SPOCK3: variants seen among roughly 807,000 people sequenced by gnomAD.
The protein encoded by SPOCK3 is SPARC (osteonectin), cwcv and kazal like domains proteoglycan 3.
In SPOCK3, 30 loss-of-function variants were observed where a neutral mutation model predicts 56.6. The ratio of observed to expected loss-of-function variants is 0.53; its 90% CI spans 0.40 to 0.72. The LOEUF (loss-of-function observed/expected upper bound fraction) is 0.72, where lower values mean the gene tolerates loss of function less well. Ranked by LOEUF, SPOCK3 falls within the 30% of genes least tolerant of loss-of-function variation. The probability of loss-of-function intolerance (pLI) is 0.00; values close to 1 mark genes in which losing one functional copy is unlikely to be tolerated. For synonymous variants in SPOCK3, 196 were observed against 183.3 expected (o/e 1.07, Z -0.56); for missense variants, 527 against 530.0 (o/e 0.99, Z 0.06).
chr4:166,754,610 T>G lies in SPOCK3; in HGVS notation c.829A>C (p.Lys277Gln), dbSNP rs1318915044. ...QSELRSIYLD[K>Q]NEQCTKAFFN... ...AATGCCTTGGTACACTGTTCATTCTTATCAAGGTAAATGCTTCTGAGCTCT... is the reference window on the plus strand; with the variant it reads ...AATGCCTTGGTACACTGTTCATTCTGATCAAGGTAAATGCTTCTGAGCTCT... Residue 277 changes from lysine (K) to glutamine (Q), a missense_variant, in exon 8 of 11, where the codon AAG (lysine) becomes CAG (glutamine). Lys to Gln is a moderately conservative substitution (Grantham distance 53). Coordinates refer to ENST00000357545, the MANE Select transcript of SPOCK3 (RefSeq NM_001040159.2). The G allele has an allele frequency of 6.2e-7, 1 of 1,613,760 alleles. No homozygotes were observed. The highest frequency in any genetic ancestry group is 1.7e-5 in the Admixed American group (1 of 59,942).
Position 167,018,801 on chromosome 4 carries a change from G to C in SPOCK3, c.236-18338C>G, listed in dbSNP as rs1283980670. Among the ~76,000 whole-genome samples the C allele has an allele frequency of 2.0e-5, 3 of 152,096 alleles. No homozygotes were observed. The East Asian group carries it at 5.8e-4, about 30-fold the overall frequency. On this transcript the variant is annotated intron_variant, in intron 3 of 10. Coordinates refer to ENST00000357545, the MANE Select transcript of SPOCK3 (RefSeq NM_001040159.2). ...CTTCATGTTGGCTTCTATCAGCAGA[G>C]TATGCAGCAAATGGAAGCACTAACT... is the stretch of plus-strand genomic sequence containing the variant.
intron 4 of SPOCK3, among the ~76,000 whole-genome samples, chr4:166,931,287 G>A (rs1329252158): frequency 6.9e-6 from 1 of 144,846 alleles, no homozygotes; most frequent in East Asian, 2.2e-4. Context: ...CGGCCCAGAG[G>A]CAATTTTCTA....
intron 6 of SPOCK3, among the ~76,000 whole-genome samples, chr4:166,831,476 AAGATAT>A (rs1746046533): frequency 6.6e-6 from 1 of 152,138 alleles, no homozygotes; most frequent in African/African-American, 2.4e-5. Flanking sequence ...TAGGATAAAA[AAGATAT>A]ACGGCTATTC....
chr4:167,218,996 T>C (rs1735636986), intron 2 of SPOCK3, among the ~76,000 whole-genome samples: 1 of 152,166 alleles, frequency 6.6e-6, no homozygotes, highest in East Asian at 1.9e-4. Context: ...AGTACAATAG[T>C]TCTTAAAACT....
intron 4 of SPOCK3, among the ~76,000 whole-genome samples, chr4:166,993,016 G>A (rs576608418): frequency 1.3e-5 from 2 of 152,124 alleles, no homozygotes; most frequent in South Asian, 4.2e-4. Flanking sequence ...CTCTTCTACC[G>A]ATCATCGATT....
intron 6 of SPOCK3, among the ~76,000 whole-genome samples, chr4:166,809,613 A>G (rs1265201617): frequency 6.6e-6 from 1 of 152,106 alleles, no homozygotes; most frequent in Non-Finnish European, 1.5e-5. Context: ...ATTTAGACAA[A>G]TTATTCTTTC....
At chr4:167,156,213 T>C (rs951126117) in intron 2 of SPOCK3, among the ~76,000 whole-genome samples, 29 of 152,150 alleles carry the variant, frequency 1.9e-4, no homozygotes, top group Non-Finnish European at 2.9e-4. Context: ...ACTTGTGCTA[T>C]CCACATTCCA....
At chr4:166,766,634 T>A (rs545801222) in intron 7 of SPOCK3, among the ~76,000 whole-genome samples, 10 of 152,226 alleles carry the variant, frequency 6.6e-5, no homozygotes, top group Admixed American at 2.0e-4. Context: ...ATCAGCGATA[T>A]TGGTCTAAAA....
intron 5 of SPOCK3, among the ~76,000 whole-genome samples, chr4:166,910,132 A>G (rs1737102207): frequency 6.6e-6 from 1 of 152,128 alleles, no homozygotes; most frequent in African/African-American, 2.4e-5. Flanking sequence ...ATTGTTTTAT[A>G]TAGCTCAGTC....
chr4:167,064,578 T>C (rs1271496891), intron 2 of SPOCK3, among the ~76,000 whole-genome samples: 1 of 151,782 alleles, frequency 6.6e-6, no homozygotes, highest in Non-Finnish European at 1.5e-5. Context: ...TATGATTCAT[T>C]CCAAGCATGG....
intron 6 of SPOCK3, among the ~76,000 whole-genome samples, chr4:166,876,539 C>T (rs1483211322): frequency 2.6e-5 from 4 of 151,956 alleles, no homozygotes; most frequent in African/African-American, 2.4e-5. Context: ...TTTAAGCAAA[C>T]GATAATGTTG....
rs538469552 is a variant in SPOCK3 at position 167,104,547 on chromosome 4, C to CAA, written c.190-42012_190-42011dup. ...TTTAAAAATAAGATGTCAGAGAAAA[C>CAA]AAAAGAATAAAGAATAAGAATGAAG... On this transcript the variant is annotated intron_variant, in intron 2 of 10. Coordinates refer to ENST00000357545, the MANE Select transcript of SPOCK3 (RefSeq NM_001040159.2). Among the ~76,000 whole-genome samples the CAA allele has an allele frequency of 2.0e-4, 31 of 151,538 alleles. No individual in the cohort carries two copies. In the South Asian group the frequency reaches 6.0e-3, roughly 30 times the overall value.
chr4:166,788,684 A>G (rs1431930065), intron 7 of SPOCK3, among the ~76,000 whole-genome samples: 3 of 151,714 alleles, frequency 2.0e-5, no homozygotes, highest in African/African-American at 7.2e-5. Flanking sequence ...TATTATAACA[A>G]AAAATTATAA....
chr4:166,983,482 C>G (rs1746808326), intron 4 of SPOCK3, among the ~76,000 whole-genome samples: 1 of 151,910 alleles, frequency 6.6e-6, no homozygotes, highest in African/African-American at 2.4e-5. Context: ...GTCCTCTGGG[C>G]TCATCCATGT....
intron 5 of SPOCK3, among the ~76,000 whole-genome samples, chr4:166,898,999 C>A (rs761158072): frequency 3.3e-5 from 5 of 151,986 alleles, no homozygotes; most frequent in Non-Finnish European, 7.4e-5. Flanking sequence ...AAGGCCTAGG[C>A]AGTGCAAATT....
chr4:166,842,076 G>A (rs974164796), intron 6 of SPOCK3, among the ~76,000 whole-genome samples: 20 of 152,210 alleles, frequency 1.3e-4, no homozygotes, highest in Admixed American at 5.2e-4. Flanking sequence ...TCATTCCTCC[G>A]GGTGGGTTTG....
chr4:166,829,125 C>T (rs552636500), intron 6 of SPOCK3, among the ~76,000 whole-genome samples: 2 of 151,960 alleles, frequency 1.3e-5, no homozygotes, highest in Non-Finnish European at 2.9e-5. Flanking sequence ...TCACCACATA[C>T]ACAGATTCAA....
chr4:166,740,550 G>A (rs1344899119), intron 9 of SPOCK3, among the ~76,000 whole-genome samples: 1 of 149,800 alleles, frequency 6.7e-6, no homozygotes, highest in Non-Finnish European at 1.5e-5. Flanking sequence ...TTCTGAGATG[G>A]AGTCTCGCTC....
chr4:167,226,824 G>A (rs1044999458), intron 2 of SPOCK3, among the ~76,000 whole-genome samples: 1 of 151,968 alleles, frequency 6.6e-6, no homozygotes, highest in African/African-American at 2.4e-5. Flanking sequence ...GCCCAGGCCT[G>A]GACACCCGTT....
Sources: gnomAD v4.1 joint callset for allele counts (sites outside exome capture counted in the v4.1 genomes callset) on GRCh38, gnomAD v4.1.1 for gene constraint, MANE v1.5 for transcripts, NCBI Gene and HGNC (gene_info 2026-07-23, HGNC 2026-07-21) for gene names.